UNC13B: variants seen among roughly 807,000 people sequenced by gnomAD.
UNC13B encodes the protein protein unc-13 homolog B.
UNC13B carries 144 observed loss-of-function variants against 211.0 expected under a neutral mutation model. That is an observed-to-expected ratio of 0.68 (90% CI 0.60 to 0.78). The LOEUF is 0.78. Among genes scored for constraint, UNC13B ranks in the 30% least tolerant of loss-of-function variants. The pLI, the probability that UNC13B is intolerant of heterozygous loss-of-function variation, is 0.00. For synonymous variants in UNC13B, 709 were observed against 725.8 expected (o/e 0.98, Z 0.37); for missense variants, 1,777 against 2,002.0 (o/e 0.89, Z 2.14).
chr9:35,313,999 C>T lies in UNC13B; in HGVS notation c.9414+10C>T. ...ACTCCAGCTGCAGGAGGTAGGAAAT[C>T]TGTTCTAGTACTGGTTGGGACAATT... On this transcript the variant is annotated intron_variant, in intron 11 of 39. Transcript: ENST00000635942. 1.2e-6 allele frequency: 2 copies of T among 1,609,292 alleles called. No homozygotes were observed. Among genetic ancestry groups the T allele is most frequent in the Non-Finnish European group, 1.7e-6 (2 of 1,175,706 alleles).
chr9:35,366,418 T>C (rs1237068630), intron 11 of UNC13B, among the ~76,000 whole-genome samples: 3 of 152,088 alleles, frequency 2.0e-5, no homozygotes, highest in African/African-American at 7.2e-5. Context: ...ATTTATTAAA[T>C]AGAGAGAATA....
intron 5 of UNC13B, among the ~76,000 whole-genome samples, chr9:35,241,594 CA>C (rs1564087419): frequency 6.4e-5 from 7 of 109,706 alleles, no homozygotes; most frequent in South Asian, 2.9e-4. Flanking sequence ...CACACACACA[CA>C]CCACCATCTT....
At chr9:35,221,066 T>TTTTA (rs960623972) in intron 1 of UNC13B, among the ~76,000 whole-genome samples, 6 of 152,176 alleles carry the variant, frequency 3.9e-5, no homozygotes, top group South Asian at 2.1e-4. Context: ...TCTTTTAAAT[T>TTTTA]TTTATTTATT....
chr9:35,344,897 GT>G (rs1451420519), intron 11 of UNC13B, among the ~76,000 whole-genome samples: 2 of 152,042 alleles, frequency 1.3e-5, no homozygotes, highest in Non-Finnish European at 2.9e-5. Context: ...TTGGGTTTTT[GT>G]TTGTTTGTTT....
At chr9:35,338,019 C>G (rs1483556841) in intron 11 of UNC13B, among the ~76,000 whole-genome samples, 2 of 152,138 alleles carry the variant, frequency 1.3e-5, no homozygotes, top group South Asian at 2.1e-4. Flanking sequence ...GGCCAATGCA[C>G]TCTGTGGCTT....
intron 15 of UNC13B, 21 bp from the exon 16 acceptor site, chr9:35,377,447 T>TAG (rs1219895770): frequency 3.7e-6 from 6 of 1,613,064 alleles, no homozygotes; most frequent in Non-Finnish European, 5.1e-6. Context: ...GGTGACCTGT[T>TAG]GTGTTCCTGG....
At chr9:35,347,912 T>A (rs1243682951) in intron 11 of UNC13B, among the ~76,000 whole-genome samples, 1 of 152,014 alleles carries the variant, frequency 6.6e-6, no homozygotes, top group Non-Finnish European at 1.5e-5. Context: ...TGGAAGGGAA[T>A]ACCTTGTAAG....
intron 11 of UNC13B, among the ~76,000 whole-genome samples, chr9:35,316,336 A>G (rs541329838): frequency 6.6e-6 from 1 of 152,178 alleles, no homozygotes; most frequent in Non-Finnish European, 1.5e-5. Flanking sequence ...ATGAGTTATA[A>G]TCCATTATTG....
At chr9:35,385,086 A>C (rs953254343) in intron 22 of UNC13B, 1 of 985,356 alleles carries the variant, frequency 1.0e-6, no homozygotes, top group African/African-American at 1.7e-5. Flanking sequence ...GAAGGTTTAA[A>C]AACTGACCAT....
chr9:35,382,561 G>GT, intron 21 of UNC13B, 54 bp downstream of exon 21: 8 of 1,342,630 alleles, frequency 6.0e-6, no homozygotes, highest in Admixed American at 2.2e-5. Context: ...AATAAAGTTT[G>GT]ATTTTTTTTT....
intron 5 of UNC13B, among the ~76,000 whole-genome samples, chr9:35,239,721 C>T (rs1284945275): frequency 6.6e-6 from 1 of 152,146 alleles, no homozygotes; most frequent in African/African-American, 2.4e-5. Flanking sequence ...TTTCAGAGGC[C>T]TCCCCTTAGG....
intron 1 of UNC13B, among the ~76,000 whole-genome samples, chr9:35,200,654 A>C (rs899251253): frequency 6.6e-6 from 1 of 152,162 alleles, no homozygotes; most frequent in East Asian, 1.9e-4. Context: ...ATTGGTGTAT[A>C]GGAATGCTTG....
At chr9:35,171,855 G>A (rs1192839878) in intron 1 of UNC13B, among the ~76,000 whole-genome samples, 1 of 152,158 alleles carries the variant, frequency 6.6e-6, no homozygotes, top group Non-Finnish European at 1.5e-5. Context: ...TCTCATGACA[G>A]TGTAGATTAG....
chr9:35,199,556 G>C (rs377646895), intron 1 of UNC13B, among the ~76,000 whole-genome samples: 2 of 152,176 alleles, frequency 1.3e-5, no homozygotes, highest in South Asian at 4.1e-4. Context: ...GAGATGGTAT[G>C]TCATTGTGGT....
chr9:35,223,245 T>G (rs1225964929), intron 1 of UNC13B, among the ~76,000 whole-genome samples: 1 of 152,182 alleles, frequency 6.6e-6, no homozygotes, highest in African/African-American at 2.4e-5. Flanking sequence ...GTAGTTCTGT[T>G]TTTGGTTTTT....
At chr9:35,354,112 A>G (rs1021395122) in intron 11 of UNC13B, among the ~76,000 whole-genome samples, 4 of 152,176 alleles carry the variant, frequency 2.6e-5, no homozygotes, top group Admixed American at 2.6e-4. Flanking sequence ...AGGGAGGAGC[A>G]TCTGGAGCAG....
chr9:35,388,120 T>C lies in UNC13B; in HGVS notation c.11095-1726T>C, dbSNP rs118138111. 7.9e-4 allele frequency among the ~76,000 whole-genome samples: 120 copies of C among 152,072 alleles called. 4 individuals carry two copies. The East Asian group carries it at 0.023, about 29-fold the overall frequency. The stretch of plus-strand genomic sequence containing the variant: ...ATGAGCTTGTTAATTTAAAGAAATA[T>C]AAGCAGGCCGGGCGCAATGGCTCAA... On this transcript the variant is annotated intron_variant, in intron 24 of 39. Coordinates refer to ENST00000635942, the MANE Select transcript of UNC13B (RefSeq NM_001371189.2).
rs1339638454 is a variant in UNC13B, at chr9:35,404,069, A to G, written c.*36A>G. The G allele has an allele frequency of 6.9e-6, 11 of 1,593,922 alleles. No individual in the cohort carries two copies. The highest frequency in any genetic ancestry group is 2.2e-5 in the East Asian group (1 of 44,634). Reference sequence around the variant, plus strand: ...CTCCTGTGCCAATCAGGCAGCAGCAATTTCACAAATCAGGGCCAGTGGGAG... The same window carrying G: ...CTCCTGTGCCAATCAGGCAGCAGCAGTTTCACAAATCAGGGCCAGTGGGAG... On this transcript the variant is annotated 3_prime_UTR_variant, in exon 40 of 40. Coordinates refer to ENST00000635942, the MANE Select transcript of UNC13B (RefSeq NM_001371189.2).
intron 11 of UNC13B, among the ~76,000 whole-genome samples, chr9:35,342,677 A>T (rs149993019): frequency 1.9e-4 from 29 of 152,350 alleles, no homozygotes; most frequent in African/African-American, 6.7e-4. Context: ...TGTGTTTATG[A>T]ATAAATGACC....
Sources: allele counts gnomAD v4.1 joint callset (sites outside exome capture counted in the v4.1 genomes callset), GRCh38; gene constraint gnomAD v4.1.1; transcripts MANE v1.5; gene names NCBI Gene and HGNC (gene_info 2026-07-23, HGNC 2026-07-21).